Variants in ALMS1 observed in about 807,000 individuals in gnomAD.
ALMS1 encodes the protein centrosome-associated protein ALMS1.
In ALMS1, 271 loss-of-function variants were observed where a neutral mutation model predicts 352.2. The ratio of observed to expected loss-of-function variants is 0.77; its 90% CI spans 0.70 to 0.85. The LOEUF is 0.85. Among genes scored for constraint, ALMS1 ranks in the 40% least tolerant of loss-of-function variants. The pLI, the probability that ALMS1 is intolerant of heterozygous loss-of-function variation, is 0.00. For missense variants in ALMS1, 5,445 were observed against 4,870.7 expected, an observed-to-expected ratio of 1.12 and a Z score of -3.51; for synonymous variants, 1,865 against 1,761.2, an observed-to-expected ratio of 1.06 and a Z score of -1.48.
chr2:73,477,126 C>G (rs1026733722), intron 9 of ALMS1, among the ~76,000 whole-genome samples: 2 of 151,948 alleles, frequency 1.3e-5, no homozygotes, highest in African/African-American at 4.8e-5. Flanking sequence ...TGATTTAGTC[C>G]AATTTATCAA....
intron 14 of ALMS1, among the ~76,000 whole-genome samples, chr2:73,558,337 G>C (rs993132520): frequency 1.3e-5 from 2 of 152,190 alleles, no homozygotes; most frequent in Non-Finnish European, 2.9e-5. Flanking sequence ...AAAAAGGTTA[G>C]ATTGTATTCT....
intron 21 of ALMS1, among the ~76,000 whole-genome samples, chr2:73,606,876 G>A (rs1276798083): frequency 2.0e-5 from 3 of 152,258 alleles, no homozygotes; most frequent in East Asian, 1.9e-4. Context: ...AAAGGTTCCC[G>A]TGAGAAGGAA....
In ALMS1 at chr2:73,557,267, A is replaced by T; in HGVS notation, c.10126A>T (p.Lys3376Ter). Reference sequence around the variant, plus strand: ...CACTGGGGATGAGAACCTCTCAGACAAAAAACAGCAAGAGATTCACAGTAC... The same window carrying T: ...CACTGGGGATGAGAACCTCTCAGACTAAAAACAGCAAGAGATTCACAGTAC... Reference protein sequence around the residue: ...LITGDENLSDKKQQEIHSTRA... With the variant: ...LITGDENLSD The change falls in exon 14 of 23, where the codon AAA (lysine) becomes TAA (stop). Residue 3376 changes from lysine to a stop codon, truncating the protein, a stop_gained. Transcript: ENST00000613296. LOFTEE classifies it high-confidence loss of function. The T allele has an allele frequency of 6.2e-7, 1 of 1,614,190 alleles. No homozygotes were observed. The highest frequency in any genetic ancestry group is 8.5e-7 in the Non-Finnish European group (1 of 1,180,020).
intron 12 of ALMS1, among the ~76,000 whole-genome samples, chr2:73,543,436 C>A (rs1175127315): frequency 6.6e-6 from 1 of 152,106 alleles, no homozygotes; most frequent in East Asian, 1.9e-4. Flanking sequence ...TAGGCAATAC[C>A]ATTCAGGACA....
rs375019820 is a variant in ALMS1, at chr2:73,572,423, C to G, written c.10546C>G (p.Gln3516Glu). Residue 3516 changes from glutamine (Q) to glutamate (E), a missense_variant, in exon 16 of 23, where the codon CAG (glutamine) becomes GAG (glutamate). Coordinates refer to ENST00000613296, the MANE Select transcript of ALMS1 (RefSeq NM_001378454.1). ...FMRHSWKDFF[Q>E]HHPDKHREHM... ...GAGACATTCTTGGAAAGATTTCTTT[C>G]AGCATCATCCAGACAAACATAGAGA... 2 of 1,612,248 alleles carry G rather than the reference C, an allele frequency of 1.2e-6. No individual in the cohort carries two copies. Among genetic ancestry groups the G allele is most frequent in the Non-Finnish European group, 8.5e-7 (1 of 1,179,614 alleles).
intron 21 of ALMS1, chr2:73,604,038 A>G (rs1487884490): frequency 6.6e-6 from 1 of 152,268 alleles, no homozygotes; most frequent in African/African-American, 2.4e-5. Context: ...GCATGTGAAC[A>G]CTGTTTCCAT....
At chr2:73,581,900 A>C (rs1328862300) in intron 16 of ALMS1, among the ~76,000 whole-genome samples, 1 of 152,076 alleles carries the variant, frequency 6.6e-6, no homozygotes, top group African/African-American at 2.4e-5. Context: ...GTGCACCACC[A>C]TGCTTGGCTA....
At chr2:73,565,415 C>T (rs1394259012) in intron 15 of ALMS1, among the ~76,000 whole-genome samples, 2 of 152,052 alleles carry the variant, frequency 1.3e-5, no homozygotes, top group African/African-American at 4.8e-5. Flanking sequence ...AAATAAATAC[C>T]TATGAGTCTG....
At chr2:73,557,414 C>T (rs1212355550) in intron 14 of ALMS1, 60 bp downstream of exon 14, 7 of 1,602,854 alleles carry the variant, frequency 4.4e-6, no homozygotes, top group Non-Finnish European at 6.0e-6. Context: ...TGAGACTATT[C>T]CCTTAAGAAC....
chr2:73,585,042 G>C (rs895534220), intron 16 of ALMS1, among the ~76,000 whole-genome samples: 5 of 152,134 alleles, frequency 3.3e-5, no homozygotes, highest in African/African-American at 7.2e-5. Flanking sequence ...AGGCATTTAG[G>C]CTGCTTCCAT....
chr2:73,599,698 G>C (rs551356379), intron 17 of ALMS1, among the ~76,000 whole-genome samples, 177 bp downstream of exon 17: 2 of 152,344 alleles, frequency 1.3e-5, no homozygotes, highest in African/African-American at 4.8e-5. Flanking sequence ...GTGGGCAAGA[G>C]TGTAGGGAAG....
At chr2:73,609,393 C>G (rs1223978325) in intron 22 of ALMS1, among the ~76,000 whole-genome samples, 175 bp from the exon 23 acceptor site, 17 of 152,204 alleles carry the variant, frequency 1.1e-4, no homozygotes, top group Admixed American at 1.1e-3. Context: ...TTTCCTGAAC[C>G]TTTCGTGAAG....
At position 73,419,331 on chromosome 2, in the gene ALMS1, T is replaced by A. The variant is rs765802500; in HGVS notation, c.646+13T>A. On this transcript the variant is annotated intron_variant, in intron 3 of 22. Coordinates refer to ENST00000613296, the MANE Select transcript of ALMS1 (RefSeq NM_001378454.1). Reference sequence around the variant, plus strand: ...TCTCCACTGCTAGGTAATGCCTGTTTATTTTAACTAGTAGTAATACCTCAC... The same window carrying A: ...TCTCCACTGCTAGGTAATGCCTGTTAATTTTAACTAGTAGTAATACCTCAC... The A allele has an allele frequency of 1.9e-6, 3 of 1,609,298 alleles. No individual in the cohort carries two copies. Among genetic ancestry groups the A allele is most frequent in the Non-Finnish European group, 8.5e-7 (1 of 1,175,620 alleles).
intron 11 of ALMS1, among the ~76,000 whole-genome samples, chr2:73,529,614 T>C (rs1673865989): frequency 6.6e-6 from 1 of 152,224 alleles, no homozygotes; most frequent in African/African-American, 2.4e-5. Flanking sequence ...TTTTGGTCAC[T>C]GTAGCCATAT....
chr2:73,540,793 G>A (rs566232783), intron 12 of ALMS1, among the ~76,000 whole-genome samples: 2 of 152,328 alleles, frequency 1.3e-5, no homozygotes, highest in East Asian at 1.9e-4. Flanking sequence ...TTACATAATG[G>A]TAAAGGGATC....
At chr2:73,553,059 G>T (rs1431192738) in intron 13 of ALMS1, among the ~76,000 whole-genome samples, 3 of 152,038 alleles carry the variant, frequency 2.0e-5, no homozygotes, top group African/African-American at 4.8e-5. Context: ...TACTAAAAGG[G>T]ACTACCATGT....
intron 7 of ALMS1, among the ~76,000 whole-genome samples, chr2:73,435,117 A>G (rs1364294555): frequency 6.6e-6 from 1 of 152,208 alleles, no homozygotes; most frequent in South Asian, 2.1e-4. Flanking sequence ...TCTACTTTCA[A>G]CCTATTTGTA....
intron 11 of ALMS1, among the ~76,000 whole-genome samples, chr2:73,530,501 G>A (rs1401423706): frequency 6.6e-6 from 1 of 152,230 alleles, no homozygotes; most frequent in Non-Finnish European, 1.5e-5. Flanking sequence ...AGCTCCCACA[G>A]CTACTGTCAT....
At position 73,452,942 on chromosome 2, in the gene ALMS1, C is replaced by T. The variant is rs772858451; in HGVS notation, c.6415C>T (p.Pro2139Ser). Reference protein sequence around the residue: ...GQKTVLPTALPSSFSHREKPD... With the variant: ...GQKTVLPTALSSSFSHREKPD... ...GAAAACAGTATTACCAACAGCTCTT[C>T]CTAGTTCCTTTTCACATCGAGAGAA... Residue 2139 changes from proline (P) to serine (S), a missense_variant, in exon 8 of 23, where the codon CCT (proline) becomes TCT (serine). Transcript: ENST00000613296. 1.6e-5 allele frequency: 26 copies of T among 1,613,286 alleles called. No individual in the cohort carries two copies. Among genetic ancestry groups the T allele is most frequent in the Non-Finnish European group, 1.9e-5 (22 of 1,179,764 alleles).
Sources: allele counts gnomAD v4.1 joint callset (sites outside exome capture counted in the v4.1 genomes callset), GRCh38; gene constraint gnomAD v4.1.1; transcripts MANE v1.5; gene names NCBI Gene and HGNC (gene_info 2026-07-23, HGNC 2026-07-21).